PDE4D: variants seen among roughly 807,000 people sequenced by gnomAD.
PDE4D encodes phosphodiesterase 4D.
Under a neutral mutation model 87.4 loss-of-function variants are expected in PDE4D, and 24 were observed. The observed-to-expected ratio is 0.27, with a 90% CI of 0.20 to 0.39. The LOEUF is 0.39. Among genes scored for constraint, PDE4D ranks in the 10% least tolerant of loss-of-function variants. PDE4D has a pLI of 1.00. For synonymous variants in PDE4D, 384 were observed against 383.2 expected (o/e 1.00, Z -0.02); for missense variants, 714 against 1,041.0 (o/e 0.69, Z 4.32).
intron 1 of PDE4D, among the ~76,000 whole-genome samples, chr5:60,501,660 CTGT>C (rs1270811424): frequency 4.6e-5 from 7 of 151,458 alleles, no homozygotes; most frequent in African/African-American, 1.7e-4. Context: ...TCTCCAGCAC[CTGT>C]TGTTTCCTGA....
chr5:59,732,886 T>C (rs1757571173), intron 1 of PDE4D, among the ~76,000 whole-genome samples: 1 of 104,362 alleles, frequency 9.6e-6, no homozygotes, highest in Admixed American at 9.2e-5. Flanking sequence ...GAATTGATGG[T>C]ATTTAATATT....
chr5:59,988,615 G>A, exon 3 of PDE4D: 1 of 1,599,316 alleles, frequency 6.3e-7, no homozygotes, highest in South Asian at 1.1e-5. Flanking sequence ...GCGAGAGGGG[G>A]AAGCTGAATA....
intron 6 of PDE4D, among the ~76,000 whole-genome samples, chr5:59,019,169 C>T (rs2153373058): frequency 6.6e-6 from 1 of 152,140 alleles, no homozygotes; most frequent in African/African-American, 2.4e-5. Flanking sequence ...TGTGGTCCTG[C>T]CAAGTCTTAT....
At chr5:60,115,032 G>GAAA (rs1231400431) in intron 2 of PDE4D, among the ~76,000 whole-genome samples, 1 of 151,502 alleles carries the variant, frequency 6.6e-6, no homozygotes, top group Non-Finnish European at 1.5e-5. Flanking sequence ...CCATTATATA[G>GAAA]AAAAAAACGG....
intron 1 of PDE4D, among the ~76,000 whole-genome samples, chr5:59,544,437 G>A (rs538629980): frequency 1.3e-5 from 2 of 152,274 alleles, no homozygotes; most frequent in South Asian, 2.1e-4. Flanking sequence ...AGAGGACTCA[G>A]GGGACAACGT....
intron 1 of PDE4D, among the ~76,000 whole-genome samples, chr5:59,464,122 T>G (rs1351741202): frequency 6.6e-6 from 1 of 152,222 alleles, no homozygotes. Flanking sequence ...CCAGGTATTG[T>G]TCAAGGTTTC....
chr5:59,399,183 T>C (rs1790085642), intron 1 of PDE4D, among the ~76,000 whole-genome samples: 1 of 134,994 alleles, frequency 7.4e-6, no homozygotes, highest in South Asian at 2.4e-4. Flanking sequence ...TTCAATGCCA[T>C]CCCCATCAAG....
At chr5:59,811,964 C>T (rs1457259945) in intron 1 of PDE4D, among the ~76,000 whole-genome samples, 4 of 152,176 alleles carry the variant, frequency 2.6e-5, no homozygotes, top group African/African-American at 9.7e-5. Flanking sequence ...ACATTACTTT[C>T]CCCATCGTGA....
At chr5:60,241,612 G>A (rs1747138019) in intron 1 of PDE4D, among the ~76,000 whole-genome samples, 2 of 151,856 alleles carry the variant, frequency 1.3e-5, no homozygotes, top group South Asian at 4.1e-4. Flanking sequence ...TAGAAGACAG[G>A]CTATTTGCAA....
chr5:60,177,094 T>C (rs2149492144), intron 2 of PDE4D, among the ~76,000 whole-genome samples: 1 of 152,274 alleles, frequency 6.6e-6, no homozygotes, highest in East Asian at 1.9e-4. Flanking sequence ...TTTTTTCCCA[T>C]TATGTCCAGG....
chr5:60,322,216 A>T (rs926317103), intron 1 of PDE4D, among the ~76,000 whole-genome samples: 17 of 152,190 alleles, frequency 1.1e-4, no homozygotes, highest in Non-Finnish European at 1.9e-4. Context: ...ATGGAATACT[A>T]TGCAGCCATA....
chr5:59,127,289 A>AT (rs1424264929), intron 5 of PDE4D, among the ~76,000 whole-genome samples: 1 of 152,226 alleles, frequency 6.6e-6, no homozygotes, highest in African/African-American at 2.4e-5. Context: ...CATTTAAAGC[A>AT]TATCAGTTTT....
chr5:60,181,693 T>C (rs1443622519), intron 2 of PDE4D, among the ~76,000 whole-genome samples: 1 of 152,142 alleles, frequency 6.6e-6, no homozygotes, highest in African/African-American at 2.4e-5. Context: ...AATGATTCAG[T>C]GTACTAGAAA....
chr5:60,264,537 C>G (rs914499102), intron 1 of PDE4D, among the ~76,000 whole-genome samples: 1 of 152,220 alleles, frequency 6.6e-6, no homozygotes, highest in Non-Finnish European at 1.5e-5. Flanking sequence ...AAGAGGGAGG[C>G]ACTAAAGTCC....
At chr5:59,115,556 T>C (rs1255001884) in intron 5 of PDE4D, among the ~76,000 whole-genome samples, 1 of 152,208 alleles carries the variant, frequency 6.6e-6, no homozygotes, top group African/African-American at 2.4e-5. Flanking sequence ...CATACATTTC[T>C]CTGGCTAATG....
intron 1 of PDE4D, among the ~76,000 whole-genome samples, chr5:60,387,895 T>C (rs1762304175): frequency 6.6e-6 from 1 of 152,172 alleles, no homozygotes; most frequent in African/African-American, 2.4e-5. Context: ...TGCTTCCACC[T>C]GTAGACACCA....
intron 1 of PDE4D, among the ~76,000 whole-genome samples, chr5:59,477,953 A>T (rs562072099): frequency 1.3e-5 from 2 of 152,188 alleles, no homozygotes; most frequent in South Asian, 4.2e-4. Flanking sequence ...ATAAAACCAA[A>T]TACCACACGC....
chr5:60,498,605 G>C (rs1338456002), intron 1 of PDE4D, among the ~76,000 whole-genome samples: 1 of 152,232 alleles, frequency 6.6e-6, no homozygotes, highest in Non-Finnish European at 1.5e-5. Flanking sequence ...ACAATGTTAG[G>C]CTGCCCTCTT....
At chr5:60,272,511 T>C (rs1206967645) in intron 1 of PDE4D, among the ~76,000 whole-genome samples, 1 of 152,214 alleles carries the variant, frequency 6.6e-6, no homozygotes, top group African/African-American at 2.4e-5. Flanking sequence ...TAGAATGGCA[T>C]TGGTTTATCA....
Sources: allele counts gnomAD v4.1 joint callset (sites outside exome capture counted in the v4.1 genomes callset), GRCh38; gene constraint gnomAD v4.1.1; transcripts MANE v1.5; gene names NCBI Gene and HGNC (gene_info 2026-07-23, HGNC 2026-07-21).